KCNK12: variants seen among roughly 807,000 people sequenced by gnomAD.
KCNK12 encodes the protein potassium two pore domain channel subfamily K member 12.
Under a neutral mutation model 25.3 loss-of-function variants are expected in KCNK12, and 6 were observed. The observed-to-expected ratio is 0.24, with a 90% CI of 0.13 to 0.47. KCNK12 has a LOEUF of 0.47. KCNK12 is among the 20% of genes least tolerant of loss of function. The probability of loss-of-function intolerance (pLI) is 0.99; values close to 1 mark genes in which losing one functional copy is unlikely to be tolerated. For synonymous variants in KCNK12, 331 were observed against 311.1 expected, an observed-to-expected ratio of 1.06 and a Z score of -0.67; for missense variants, 444 against 661.7, an observed-to-expected ratio of 0.67 and a Z score of 3.61.
intron 1 of KCNK12, among the ~76,000 whole-genome samples, chr2:47,546,626 C>G (rs1572599714): frequency 6.6e-6 from 1 of 152,182 alleles, no homozygotes; most frequent in East Asian, 1.9e-4. Flanking sequence ...CACTGCACTC[C>G]AGCCTGGGTG....
chr2:47,524,997 G>C (rs1668738137), intron 1 of KCNK12, among the ~76,000 whole-genome samples: 1 of 152,126 alleles, frequency 6.6e-6, no homozygotes, highest in African/African-American at 2.4e-5. Flanking sequence ...AAATTCCTAA[G>C]GTAATTGAAA....
intron 1 of KCNK12, among the ~76,000 whole-genome samples, chr2:47,552,506 G>A (rs963607122): frequency 6.6e-6 from 1 of 152,222 alleles, no homozygotes; most frequent in Admixed American, 6.5e-5. Flanking sequence ...GGCGGCTCAT[G>A]CCTGTAATCC....
In KCNK12 at chr2:47,549,711, G is replaced by A. The variant is rs533837705; in HGVS notation, c.391+20230C>T. 5.3e-5 allele frequency among the ~76,000 whole-genome samples: 8 copies of A among 152,160 alleles called. No individual in the cohort carries two copies. The East Asian group carries it at 5.8e-4, about 11-fold the overall frequency. On this transcript the variant is annotated intron_variant, in intron 1 of 1. Transcript: ENST00000327876. Reference sequence around the variant, plus strand: ...AGCACTTTGGGAGGCCAAGATGGGCGGATCACGAGGTCAGGAGTTCGAGAC... The same window carrying A: ...AGCACTTTGGGAGGCCAAGATGGGCAGATCACGAGGTCAGGAGTTCGAGAC...
chr2:47,563,660 C>T (rs1027289094), intron 1 of KCNK12: 3 of 232,906 alleles, frequency 1.3e-5, no homozygotes, highest in South Asian at 1.8e-4. Flanking sequence ...CCCACTGGTC[C>T]GGACTCCAGC....
At chr2:47,522,831 A>G (rs897062246) in intron 1 of KCNK12, among the ~76,000 whole-genome samples, 3 of 152,232 alleles carry the variant, frequency 2.0e-5, no homozygotes, top group African/African-American at 7.2e-5. Context: ...AAAGTCTTAC[A>G]TACTAGAATA....
chr2:47,543,997 T>A (rs1669257511), intron 1 of KCNK12, among the ~76,000 whole-genome samples: 1 of 152,034 alleles, frequency 6.6e-6, no homozygotes, highest in Non-Finnish European at 1.5e-5. Context: ...GATGTGGGGA[T>A]AAGTACGCAG....
At position 47,538,383 on chromosome 2, in the gene KCNK12, G is replaced by A. The variant is rs1008704473; in HGVS notation, c.392-16575C>T. Among the ~76,000 whole-genome samples the A allele has an allele frequency of 6.6e-6, 1 of 152,186 alleles. No individual in the cohort carries two copies. On this transcript the variant is annotated intron_variant, in intron 1 of 1. Coordinates refer to ENST00000327876, the MANE Select transcript of KCNK12 (RefSeq NM_022055.2). The surrounding 1 kb of genome is among the most constrained non-coding windows in gnomAD (Gnocchi z 4.5). ...TCCAGGGAGGCCTCGTTAAGGAACG[G>A]ATGTTTGATAAAGGACTAGGGTAAG...
chr2:47,510,675 GAGA>G lies in KCNK12; in HGVS notation c.*10229_*10231del, dbSNP rs1451965330. 1.3e-5 allele frequency: 2 copies of G among 152,158 alleles called. No individual in the cohort carries two copies. The highest frequency in any genetic ancestry group is 2.9e-5 in the Non-Finnish European group (2 of 68,016). 9.4% of individuals were successfully genotyped at this position (152,158 alleles called of 1,614,324 possible). ...CACAGCAGCACTGTGACCTGCCCAC[GAGA>G]AGAAGGATTTTTAGAACTTATCTTA... is the stretch of plus-strand genomic sequence containing the variant. On this transcript the variant is annotated 3_prime_UTR_variant, in exon 2 of 2. Transcript: ENST00000327876.
Position 47,529,221 on chromosome 2 carries a change from T to C in KCNK12, c.392-7413A>G, listed in dbSNP as rs1269944117. ...TACTAGTAATTACCCCAGGACAGCATGTATAAACCAGGGCTGTTCCAAGCA... is the reference window on the plus strand; with the variant it reads ...TACTAGTAATTACCCCAGGACAGCACGTATAAACCAGGGCTGTTCCAAGCA... On this transcript the variant is annotated intron_variant, in intron 1 of 1. Coordinates refer to ENST00000327876, the MANE Select transcript of KCNK12 (RefSeq NM_022055.2). This position sits in a 1 kb window ranked among gnomAD's most constrained non-coding sequence, Gnocchi z 4.3. 1.3e-5 allele frequency: 2 copies of C among 152,166 alleles called. No homozygotes were observed. The highest frequency in any genetic ancestry group is 4.8e-5 in the African/African-American group (2 of 41,432). 9.4% of individuals were successfully genotyped at this position (152,166 alleles called of 1,614,324 possible).
intron 1 of KCNK12, among the ~76,000 whole-genome samples, chr2:47,536,779 T>C (rs73929212): frequency 0.037 from 5,614 of 152,306 alleles, 326 homozygotes; most frequent in African/African-American, 0.12. Context: ...GAAGCAGGCT[T>C]CGCTCTGGAT....
rs1668859509 is a variant in KCNK12, at chr2:47,529,011, G to A, written c.392-7203C>T. On this transcript the variant is annotated intron_variant, in intron 1 of 1. Transcript: ENST00000327876. The surrounding 1 kb of genome is among the most constrained non-coding windows in gnomAD (Gnocchi z 4.3). Reference sequence around the variant, plus strand: ...GGAGGGGAAGCATTCACTGAAGTTAGTTTGTACGTGGCTGAGCTGGCCCTG... The same window carrying A: ...GGAGGGGAAGCATTCACTGAAGTTAATTTGTACGTGGCTGAGCTGGCCCTG... 1 of 152,256 alleles carries A rather than the reference G, an allele frequency of 6.6e-6. No individual in the cohort carries two copies. The highest frequency in any genetic ancestry group is 2.4e-5 in the African/African-American group (1 of 41,452). The allele number at this position is 152,256 out of a possible 1,614,324, so 9.4% of individuals were successfully genotyped here.
rs1385250936 is a variant in KCNK12, at chr2:47,515,997, C to A, written c.*4910G>T. Reference sequence around the variant, plus strand: ...ACTTTACACTTTTCGGAGTTCCTAGCCCCTCACTTATTTCTCGTAAGACCG... The same window carrying A: ...ACTTTACACTTTTCGGAGTTCCTAGACCCTCACTTATTTCTCGTAAGACCG... On this transcript the variant is annotated 3_prime_UTR_variant, in exon 2 of 2. Coordinates refer to ENST00000327876, the MANE Select transcript of KCNK12 (RefSeq NM_022055.2). 2.0e-5 allele frequency among the ~76,000 whole-genome samples: 3 copies of A among 152,114 alleles called. No homozygotes were observed. The highest frequency in any genetic ancestry group is 4.8e-5 in the African/African-American group (2 of 41,412).
At chr2:47,522,950 A>T (rs1319759682) in intron 1 of KCNK12, among the ~76,000 whole-genome samples, 6 of 152,160 alleles carry the variant, frequency 3.9e-5, no homozygotes, top group African/African-American at 1.2e-4. Context: ...TTAAAAAAAA[A>T]ATCAGTTTAC....
intron 1 of KCNK12, among the ~76,000 whole-genome samples, chr2:47,537,690 CA>C (rs1420614462): frequency 1.3e-5 from 2 of 152,132 alleles, no homozygotes; most frequent in Non-Finnish European, 2.9e-5. Flanking sequence ...TTCTGTGGTG[CA>C]AATAGGATAG....
At position 47,554,368 on chromosome 2, in the gene KCNK12, G is replaced by A. The variant is rs549400349; in HGVS notation, c.391+15573C>T. Among the ~76,000 whole-genome samples the A allele has an allele frequency of 6.6e-5, 10 of 152,298 alleles. No individual in the cohort carries two copies. In the East Asian group the frequency reaches 1.4e-3, roughly 21 times the overall value. Reference sequence around the variant, plus strand: ...AGGGACAGTGACTAGGGGTTAGTGGGGGACACTACTGTAATCAGGGGGACC... The same window carrying A: ...AGGGACAGTGACTAGGGGTTAGTGGAGGACACTACTGTAATCAGGGGGACC... On this transcript the variant is annotated intron_variant, in intron 1 of 1. Coordinates refer to ENST00000327876, the MANE Select transcript of KCNK12 (RefSeq NM_022055.2).
At position 47,519,298 on chromosome 2, in the gene KCNK12, T is replaced by C. The variant is rs1378308105; in HGVS notation, c.*1609A>G. 6.6e-6 allele frequency: 1 copy of C among 152,202 alleles called. No homozygotes were observed. The highest frequency in any genetic ancestry group is 3.2e-3 in the Middle Eastern group (1 of 316). 9.4% of individuals were successfully genotyped at this position (152,202 alleles called of 1,614,324 possible). A position where few individuals can be genotyped will look rare whatever the true frequency, so the allele number is the denominator to read the frequency against. On this transcript the variant is annotated 3_prime_UTR_variant, in exon 2 of 2. Coordinates refer to ENST00000327876, the MANE Select transcript of KCNK12 (RefSeq NM_022055.2). ...CTCTAATGCTGGGTGCGTGAGCGCA[T>C]GCGTGCATGTTTGTGTGTGTGTGTG... is the stretch of plus-strand genomic sequence containing the variant.
intron 1 of KCNK12, among the ~76,000 whole-genome samples, chr2:47,544,564 T>C (rs1358837956): frequency 6.6e-6 from 1 of 152,236 alleles, no homozygotes; most frequent in Non-Finnish European, 1.5e-5. Context: ...TTTCATGGGA[T>C]TTGTTTTAAG....
rs115862926 is a variant in KCNK12 at position 47,521,249 on chromosome 2, G to A, written c.951C>T (p.Cys317=). The change falls in exon 2 of 2, where the codon TGC becomes TGT. Residue 317 remains cysteine (C), a synonymous_variant. Coordinates refer to ENST00000327876, the MANE Select transcript of KCNK12 (RefSeq NM_022055.2). The part of the protein sequence containing the change: ...NWMLRKLSCR[C]CARCCPAPGA... The stretch of plus-strand genomic sequence containing the variant: ...CAGGAGCCGGGCAGCAGCGCGCGCA[G>A]CAGCGGCAGCTCAGCTTGCGCAGCA... 3.1e-3 allele frequency: 4,908 copies of A among 1,606,892 alleles called. 18 individuals carry two copies. Among genetic ancestry groups the A allele is most frequent in the Middle Eastern group, 7.6e-3 (46 of 6,050 alleles).
chr2:47,534,729 T>G (rs1439361189), intron 1 of KCNK12: 4 of 175,194 alleles, frequency 2.3e-5, no homozygotes, highest in Non-Finnish European at 4.9e-5. Context: ...ATGTGGGGCT[T>G]GTGTGGGGAA....
Sources: gnomAD v4.1 joint callset for allele counts (sites outside exome capture counted in the v4.1 genomes callset) on GRCh38, gnomAD v4.1.1 for gene constraint, Gnocchi (gnomAD v3.1) non-coding constraint, MANE v1.5 for transcripts, NCBI Gene and HGNC (gene_info 2026-07-23, HGNC 2026-07-21) for gene names.